The following CATSPERE variants were observed in gnomAD, a reference collection of about 807,000 sequenced individuals.
CATSPERE encodes catsper channel auxiliary subunit epsilon, also known as cation channel sperm-associated auxiliary subunit epsilon.
Under a neutral mutation model 114.1 loss-of-function variants are expected in CATSPERE, and 93 were observed. The observed-to-expected ratio is 0.81, with a 90% CI of 0.69 to 0.97. CATSPERE has a LOEUF of 0.97. Ranked by LOEUF, CATSPERE falls within the 50% of genes least tolerant of loss-of-function variation. The pLI is 0.00. For missense variants in CATSPERE, 1,058 were observed against 1,131.6 expected, an observed-to-expected ratio of 0.93 and a Z score of 0.93; for synonymous variants, 341 against 384.1, an observed-to-expected ratio of 0.89 and a Z score of 1.31.
At position 244,610,226 on chromosome 1, in the gene CATSPERE, C is replaced by G; in HGVS notation, c.2404-14C>G. ...ACTTCTACCTACCCACATACATGTG[C>G]CATCTTTTGACAGAGTGGTTGTTTA... On this transcript the variant is annotated splice_polypyrimidine_tract_variant and intron_variant, in intron 18 of 21. Coordinates refer to ENST00000366534, the MANE Select transcript of CATSPERE (RefSeq NM_001130957.2). 1 of 1,570,492 alleles carries G rather than the reference C, an allele frequency of 6.4e-7. No homozygotes were observed. Among genetic ancestry groups the G allele is most frequent in the Non-Finnish European group, 8.7e-7 (1 of 1,149,878 alleles).
chr1:244,578,428 G>GGTGT (rs1427316829), intron 11 of CATSPERE, among the ~76,000 whole-genome samples: 6 of 152,214 alleles, frequency 3.9e-5, no homozygotes, highest in South Asian at 2.1e-4. Flanking sequence ...TGGGATTACA[G>GGTGT]GTGTGAGTCA....
At chr1:244,628,420 T>A (rs1251144128) in intron 20 of CATSPERE, among the ~76,000 whole-genome samples, 1 of 152,076 alleles carries the variant, frequency 6.6e-6, no homozygotes, top group Non-Finnish European at 1.5e-5. Flanking sequence ...AGCATTCGAG[T>A]AGCTGGGGAA....
In CATSPERE at chr1:244,470,307, A is replaced by G. The variant is rs571569497; in HGVS notation, c.114+6351A>G. 2.3e-3 allele frequency among the ~76,000 whole-genome samples: 357 copies of G among 152,354 alleles called. 2 individuals carry two copies. Among genetic ancestry groups the G allele is most frequent in the Non-Finnish European group, 4.5e-3 (305 of 68,032 alleles). ...TCTTATTATGGACTTGTTTTTAGAT[A>G]TATAAAGAACTACTATTGATATAAT... is the stretch of plus-strand genomic sequence containing the variant. On this transcript the variant is annotated intron_variant, in intron 2 of 21. Transcript: ENST00000366534.
chr1:244,482,288 A>C (rs1670383472), intron 5 of CATSPERE, among the ~76,000 whole-genome samples: 1 of 152,142 alleles, frequency 6.6e-6, no homozygotes, highest in African/African-American at 2.4e-5. Context: ...GAAACATAGC[A>C]AGACTTGTCT....
intron 6 of CATSPERE, among the ~76,000 whole-genome samples, chr1:244,493,105 C>T (rs1672499103): frequency 1.3e-5 from 2 of 151,662 alleles, no homozygotes; most frequent in African/African-American, 4.8e-5. Flanking sequence ...CTTTAAAGTT[C>T]ATATGGAACC....
At position 244,633,852 on chromosome 1, in the gene CATSPERE, G is replaced by A. The variant is rs1674282330; in HGVS notation, c.2649-1637G>A. Among the ~76,000 whole-genome samples, 1 of 150,780 alleles carries A rather than the reference G, an allele frequency of 6.6e-6. No homozygotes were observed. The stretch of plus-strand genomic sequence containing the variant: ...TGCTGTGAAAATTCCTGTGACAGGT[G>A]TCTACATCACTCATTTTTTTTTTTT... On this transcript the variant is annotated intron_variant, in intron 20 of 21. Transcript: ENST00000366534. This position sits in a 1 kb window ranked among gnomAD's most constrained non-coding sequence, Gnocchi z 4.1.
intron 19 of CATSPERE, 25 bp downstream of exon 19, chr1:244,610,351 T>G (rs181280899): frequency 7.2e-6 from 11 of 1,529,554 alleles, no homozygotes; most frequent in Admixed American, 3.4e-5. Flanking sequence ...ACCTTCCAGA[T>G]TGTTTATTTG....
chr1:244,577,459 A>T (rs1257930813), intron 11 of CATSPERE, among the ~76,000 whole-genome samples: 1 of 152,224 alleles, frequency 6.6e-6, no homozygotes, highest in East Asian at 1.9e-4. Context: ...ACATAACAAA[A>T]ATAACTCAAA....
rs537574183 is a variant in CATSPERE at position 244,487,044 on chromosome 1, C to T, written c.327-3403C>T. Among the ~76,000 whole-genome samples the T allele has an allele frequency of 9.9e-5, 15 of 151,354 alleles. No homozygotes were observed. In the South Asian group the frequency reaches 2.1e-3, roughly 21 times the overall value. On this transcript the variant is annotated intron_variant, in intron 5 of 21. Coordinates refer to ENST00000366534, the MANE Select transcript of CATSPERE (RefSeq NM_001130957.2). ...GGGGTACTCGTGGGCCAGGTACAGA[C>T]GCTCGTAGTCACCTGGTGGGTGGTT...
At chr1:244,632,310 C>T (rs1674051864) in intron 20 of CATSPERE, among the ~76,000 whole-genome samples, 1 of 143,098 alleles carries the variant, frequency 7.0e-6, no homozygotes, top group African/African-American at 2.6e-5. Flanking sequence ...AGGAGAATCA[C>T]TTGAACCTGG....
intron 5 of CATSPERE, among the ~76,000 whole-genome samples, chr1:244,489,489 A>G (rs1159996631): frequency 8.6e-6 from 1 of 116,812 alleles, no homozygotes; most frequent in East Asian, 2.4e-4. Context: ...TTTGGTGGAA[A>G]GAAAGAGGTT....
chr1:244,563,270 G>T (rs1018272154), intron 10 of CATSPERE, among the ~76,000 whole-genome samples: 1 of 152,176 alleles, frequency 6.6e-6, no homozygotes, highest in African/African-American at 2.4e-5. Context: ...AATACTTTGG[G>T]TATACACCCA....
chr1:244,475,112 T>C (rs1432096199), intron 2 of CATSPERE, among the ~76,000 whole-genome samples: 1 of 152,136 alleles, frequency 6.6e-6, no homozygotes, highest in African/African-American at 2.4e-5. Context: ...CTTTCATTTG[T>C]TTTATAAATT....
chr1:244,477,188 G>A (rs1669504948), intron 2 of CATSPERE, among the ~76,000 whole-genome samples: 1 of 152,068 alleles, frequency 6.6e-6, no homozygotes, highest in African/African-American at 2.4e-5. Flanking sequence ...TAGAGACAGG[G>A]TTTCACCATG....
intron 11 of CATSPERE, among the ~76,000 whole-genome samples, chr1:244,577,775 A>G (rs1160616795): frequency 6.6e-6 from 1 of 152,226 alleles, no homozygotes; most frequent in Non-Finnish European, 1.5e-5. Context: ...ACACATTCAG[A>G]CCATAGCACT....
chr1:244,602,424 G>A lies in CATSPERE; in HGVS notation c.2304-3271G>A, dbSNP rs541951050. 2.4e-4 allele frequency among the ~76,000 whole-genome samples: 37 copies of A among 152,276 alleles called. 1 individual carries two copies. The highest frequency in any genetic ancestry group is 8.7e-4 in the African/African-American group (36 of 41,562). Reference sequence around the variant, plus strand: ...AGAATCAGCGGCAGGGGTGGCCACCGGGAAATTAGCCCATAGTCTAGGTCT... The same window carrying A: ...AGAATCAGCGGCAGGGGTGGCCACCAGGAAATTAGCCCATAGTCTAGGTCT... On this transcript the variant is annotated intron_variant, in intron 17 of 21. Transcript: ENST00000366534.
At chr1:244,592,076 C>G (rs1667793997) in intron 15 of CATSPERE, among the ~76,000 whole-genome samples, 1 of 152,238 alleles carries the variant, frequency 6.6e-6, no homozygotes, top group South Asian at 2.1e-4. Context: ...AAGCCGGGTA[C>G]AGTGGCTCAT....
rs1441799983 is a variant in CATSPERE at position 244,461,302 on chromosome 1, G to T, written c.-128G>T. Reference sequence around the variant, plus strand: ...TTCTCCCTCGCTGGTCTTCAGGCCCGGCCCGCCCTGTCCAGAGGCGCCGGG... The same window carrying T: ...TTCTCCCTCGCTGGTCTTCAGGCCCTGCCCGCCCTGTCCAGAGGCGCCGGG... On this transcript the variant is annotated 5_prime_UTR_variant, in exon 1 of 22. Transcript: ENST00000366534. The T allele has an allele frequency of 7.8e-6, 6 of 771,034 alleles. No individual in the cohort carries two copies. Among genetic ancestry groups the T allele is most frequent in the Admixed American group, 8.7e-5 (2 of 23,084 alleles). The allele number at this position is 771,034 out of a possible 1,614,324, so 47.8% of individuals were successfully genotyped here. A position where few individuals can be genotyped will look rare whatever the true frequency, so the allele number is the denominator to read the frequency against.
intron 8 of CATSPERE, among the ~76,000 whole-genome samples, chr1:244,530,521 A>C (rs1679418761): frequency 2.0e-5 from 3 of 152,100 alleles, no homozygotes; most frequent in Admixed American, 2.0e-4. Context: ...GGGTTCTGTA[A>C]AAATTTTAGG....
Sources: allele counts gnomAD v4.1 joint callset (sites outside exome capture counted in the v4.1 genomes callset), GRCh38; gene constraint gnomAD v4.1.1; non-coding constraint Gnocchi (gnomAD v3.1); transcripts MANE v1.5; gene names NCBI Gene and HGNC (gene_info 2026-07-23, HGNC 2026-07-21).